DRC8: variants seen among roughly 807,000 people sequenced by gnomAD.
DRC8 encodes the protein dynein regulatory complex subunit 8, also known as dynein regulatory complex protein 8.
the DRC8 span, among the ~76,000 whole-genome samples, chr1:245,043,563 A>C: frequency 2.0e-4 from 31 of 152,180 alleles, no homozygotes; most frequent in Admixed American, 1.0e-3. Flanking sequence ...GCGTTTTTTT[A>C]ATCCCATGAA....
At chr1:245,076,961 G>C in the DRC8 span, among the ~76,000 whole-genome samples, 1 of 152,140 alleles carries the variant, frequency 6.6e-6, no homozygotes, top group East Asian at 1.9e-4. Flanking sequence ...TCCTGACCTC[G>C]TGATCCGCCC....
At chr1:245,111,626 T>C in the DRC8 span, among the ~76,000 whole-genome samples, 2 of 152,244 alleles carry the variant, frequency 1.3e-5, no homozygotes, top group African/African-American at 2.4e-5. Context: ...CTGTTCCTTC[T>C]GACCTTGAAA....
At chr1:244,983,183 G>A in the DRC8 span, among the ~76,000 whole-genome samples, 1 of 152,168 alleles carries the variant, frequency 6.6e-6, no homozygotes, top group Non-Finnish European at 1.5e-5. Flanking sequence ...ACCACAGGAT[G>A]AGCATGCTGT....
chr1:244,982,251 A>G, the DRC8 span, among the ~76,000 whole-genome samples: 9 of 152,238 alleles, frequency 5.9e-5, no homozygotes, highest in East Asian at 1.9e-4. Context: ...AAATGACAAG[A>G]CATGCTAATA....
At chr1:245,084,380 G>A in the DRC8 span, among the ~76,000 whole-genome samples, 3 of 152,210 alleles carry the variant, frequency 2.0e-5, no homozygotes, top group Non-Finnish European at 4.4e-5. Context: ...GAGCTTTTCT[G>A]TCAGTGAAGT....
chr1:245,035,494 A>T, the DRC8 span, among the ~76,000 whole-genome samples: 1 of 152,208 alleles, frequency 6.6e-6, no homozygotes, highest in Non-Finnish European at 1.5e-5. Context: ...ACAACACATG[A>T]TGCTAGGATG....
the DRC8 span, among the ~76,000 whole-genome samples, chr1:245,020,491 G>A: frequency 6.6e-6 from 1 of 151,952 alleles, no homozygotes; most frequent in Admixed American, 6.6e-5. Flanking sequence ...TTAGTTCTCA[G>A]AGTGCCCCCA....
At chr1:245,097,465 C>G in the DRC8 span, among the ~76,000 whole-genome samples, 139 of 151,876 alleles carry the variant, frequency 9.2e-4, no homozygotes, top group South Asian at 0.011. This position sits in a 1 kb window ranked among gnomAD's most constrained non-coding sequence, Gnocchi z 5.0. Context: ...CTGCAGTGAG[C>G]TGAGATTATG....
At chr1:244,986,611 G>T in the DRC8 span, among the ~76,000 whole-genome samples, 5 of 152,106 alleles carry the variant, frequency 3.3e-5, no homozygotes, top group Non-Finnish European at 5.9e-5. Flanking sequence ...GCACGAGCCT[G>T]GAGTCCCAGC....
the DRC8 span, among the ~76,000 whole-genome samples, chr1:244,992,155 A>G: frequency 6.6e-6 from 1 of 152,222 alleles, no homozygotes; most frequent in African/African-American, 2.4e-5. Flanking sequence ...TCAATTTGAA[A>G]AAGCTGTTTA....
the DRC8 span, among the ~76,000 whole-genome samples, chr1:245,006,597 A>G: frequency 1.3e-5 from 2 of 152,110 alleles, no homozygotes; most frequent in East Asian, 3.9e-4. Context: ...ATCGTAAGCA[A>G]TGACAATGGA....
the DRC8 span, among the ~76,000 whole-genome samples, chr1:244,988,290 A>T: frequency 2.2e-3 from 331 of 152,204 alleles, no homozygotes; most frequent in Non-Finnish European, 3.3e-3. Context: ...TAGCTAGAGA[A>T]TTATTATATA....
At chr1:245,061,034 A>C in the DRC8 span, among the ~76,000 whole-genome samples, 11 of 65,208 alleles carry the variant, frequency 1.7e-4, no homozygotes, top group Non-Finnish European at 4.1e-4. Flanking sequence ...GCCTTTGCAG[A>C]AAAAGGTTGC....
At chr1:244,991,560 T>A in the DRC8 span, among the ~76,000 whole-genome samples, 1 of 152,234 alleles carries the variant, frequency 6.6e-6, no homozygotes, top group South Asian at 2.1e-4. Context: ...GATTCCATTA[T>A]TGTAACTTGT....
the DRC8 span, among the ~76,000 whole-genome samples, chr1:245,055,108 G>A: frequency 6.6e-6 from 1 of 152,134 alleles, no homozygotes; most frequent in East Asian, 1.9e-4. Flanking sequence ...CAGGAAGCAA[G>A]CCTGCTCTTT....
chr1:245,108,212 C>T, the DRC8 span, among the ~76,000 whole-genome samples: 1 of 152,182 alleles, frequency 6.6e-6, no homozygotes, highest in African/African-American at 2.4e-5. Context: ...GAGCTTGCTG[C>T]CCCTCCCTTC....
the DRC8 span, among the ~76,000 whole-genome samples, chr1:245,012,298 A>C: frequency 6.6e-6 from 1 of 151,908 alleles, no homozygotes; most frequent in African/African-American, 2.4e-5. Flanking sequence ...CATTATACTT[A>C]TTGGTAAAAG....
chr1:244,970,725 C>T, the DRC8 span: 1 of 463,218 alleles, frequency 2.2e-6, no homozygotes, highest in Non-Finnish European at 3.7e-6. Context: ...CTCCTCCCGC[C>T]TTCTTCTTTC....
chr1:244,984,132 G>C, the DRC8 span, among the ~76,000 whole-genome samples: 6 of 151,732 alleles, frequency 4.0e-5, no homozygotes, highest in East Asian at 1.9e-4. Flanking sequence ...TTTTTTTGGG[G>C]GGGGGGAATA....
Sources: allele counts gnomAD v4.1 joint callset (sites outside exome capture counted in the v4.1 genomes callset), GRCh38; gene constraint gnomAD v4.1.1; non-coding constraint Gnocchi (gnomAD v3.1); transcripts MANE v1.5; gene names NCBI Gene and HGNC (gene_info 2026-07-23, HGNC 2026-07-21).